Variants in TAF1 observed in about 807,000 individuals in gnomAD.
TAF1 encodes the protein transcription initiation factor TFIID subunit 1.
A neutral mutation model predicts 138.5 loss-of-function variants in TAF1; 2 were observed. That is an observed-to-expected ratio of 0.01 (90% CI 0.01 to 0.05). The LOEUF is 0.05. Ranked by LOEUF, TAF1 falls within the 10% of genes least tolerant of loss-of-function variation. The pLI, the probability that TAF1 is intolerant of heterozygous loss-of-function variation, is 1.00. For synonymous variants in TAF1, 437 were observed against 503.2 expected, an observed-to-expected ratio of 0.87 and a Z score of 1.76; for missense variants, 709 against 1,478.0, an observed-to-expected ratio of 0.48 and a Z score of 8.53.
At chrX:71,412,272 A>T (rs776350788) in intron 28 of TAF1, among the ~76,000 whole-genome samples, 1 of 109,427 alleles carries the variant, frequency 9.1e-6, no homozygotes, top group Admixed American at 9.9e-5. Context: ...CCACAGGCGC[A>T]TGCCACCATG....
intron 20 of TAF1, 63 bp from the exon 21 acceptor site, chrX:71,393,224 TTGTGTGTGTGTGTG>T (rs201372159): frequency 2.1e-4 from 197 of 955,795 alleles, no homozygotes; most frequent in South Asian, 7.3e-4. Context: ...CCTGAATGAT[TTGTGTGTGTGTGTG>T]TGTGTGTGTG....
At chrX:71,498,381 G>A (rs1009173439) in intron 13 of TAF1, among the ~76,000 whole-genome samples, 8 of 111,798 alleles carry the variant, frequency 7.2e-5, no homozygotes, top group Non-Finnish European at 3.8e-5. Flanking sequence ...TGGATATAGA[G>A]GAATTACTGC....
Position 71,367,489 on chromosome X carries a change from C to T in TAF1, c.121-10C>T, listed in dbSNP as rs1944579150. 4 of 1,208,441 alleles carry T rather than the reference C, an allele frequency of 3.3e-6. No homozygotes were observed. Among genetic ancestry groups the T allele is most frequent in the Middle Eastern group, 2.3e-4 (1 of 4,334 alleles). On this transcript the variant is annotated splice_polypyrimidine_tract_variant and intron_variant, in intron 1 of 37. Coordinates refer to ENST00000423759, the MANE Select transcript of TAF1 (RefSeq NM_004606.5). ...GTTGTTATCTTCGACTCGTGCTGTCCCTTTTTCAGGAATGTAAGAAGCACT... is the reference window on the plus strand; with the variant it reads ...GTTGTTATCTTCGACTCGTGCTGTCTCTTTTTCAGGAATGTAAGAAGCACT...
chrX:71,441,730 A>G (rs1261695105), intron 32 of TAF1: 1 of 272,994 alleles, frequency 3.7e-6, no homozygotes, highest in South Asian at 3.4e-5. Flanking sequence ...AGGTTTGTTA[A>G]ATATATATAC....
At chrX:71,514,537 T>C (rs1370883678) in intron 13 of TAF1, among the ~76,000 whole-genome samples, 1 of 107,658 alleles carries the variant, frequency 9.3e-6, no homozygotes, top group Non-Finnish European at 1.9e-5. Flanking sequence ...GGCGCTGTGG[T>C]TCATATGAAA....
chrX:71,525,177 G>A (rs1387840793), intron 13 of TAF1, among the ~76,000 whole-genome samples: 3 of 108,983 alleles, frequency 2.8e-5, no homozygotes, highest in Admixed American at 2.0e-4. Flanking sequence ...GAGTAGCTGG[G>A]ATTACAGGCA....
intron 25 of TAF1, among the ~76,000 whole-genome samples, chrX:71,405,328 CA>C (rs1188372419): frequency 9.0e-6 from 1 of 110,536 alleles, no homozygotes; most frequent in Non-Finnish European, 1.9e-5. Context: ...CAGTTACAGT[CA>C]TTTATGTGTT....
At chrX:71,459,020 A>G (rs2038429323) in intron 35 of TAF1, 1 of 360,837 alleles carries the variant, frequency 2.8e-6, no homozygotes, top group Admixed American at 4.6e-5. Context: ...TGAGCTGTCT[A>G]AACAGCCCCC....
At chrX:71,516,045 A>T (rs898800355) in intron 13 of TAF1, among the ~76,000 whole-genome samples, 53 of 109,149 alleles carry the variant, frequency 4.9e-4, no homozygotes, top group Non-Finnish European at 3.4e-4. Flanking sequence ...GAGTTTTTTT[A>T]AAATTTATTT....
rs751832509 is a variant in TAF1, at chrX:71,388,454, G to A, written c.2569+76G>A. The A allele has an allele frequency of 7.1e-6, 8 of 1,124,235 alleles. No individual in the cohort carries two copies. The African/African-American group carries it at 9.2e-5, about 13-fold the overall frequency. The allele number at this position is 1,124,235 out of a possible 1,213,427, so 92.6% of individuals were successfully genotyped here. A position where few individuals can be genotyped will look rare whatever the true frequency, so the allele number is the denominator to read the frequency against. On this transcript the variant is annotated intron_variant, in intron 16 of 37. Coordinates refer to ENST00000423759, the MANE Select transcript of TAF1 (RefSeq NM_004606.5). ...TTGATGGCTTTGAGTTAAAGGATAA[G>A]CATATAGTTAATAAAATAGAAATTG...
chrX:71,499,446 C>T (rs112961020), intron 13 of TAF1, among the ~76,000 whole-genome samples: 1,382 of 112,248 alleles, frequency 0.012, 19 homozygotes, highest in African/African-American at 0.042. Context: ...GGGTAATAAA[C>T]TTATCTTTTA....
intron 32 of TAF1, among the ~76,000 whole-genome samples, chrX:71,445,915 ATT>A (rs749778368): frequency 1.3e-4 from 12 of 93,441 alleles, no homozygotes; most frequent in Admixed American, 1.2e-4. Flanking sequence ...GTTGTTCACT[ATT>A]TTTTTTTTTT....
intron 3 of TAF1, among the ~76,000 whole-genome samples, chrX:71,371,433 C>G (rs1419827347): frequency 9.0e-6 from 1 of 111,195 alleles, no homozygotes; most frequent in African/African-American, 3.3e-5. Flanking sequence ...GAAGGAGCAG[C>G]AGGGGATTTT....
intron 32 of TAF1, among the ~76,000 whole-genome samples, chrX:71,448,997 A>T (rs1602709877): frequency 3.1e-5 from 2 of 64,877 alleles, no homozygotes; most frequent in African/African-American, 6.3e-5. Context: ...TTGTATTTTT[A>T]TTTATTTTTT....
chrX:71,450,996 G>T (rs2037932638), intron 32 of TAF1, among the ~76,000 whole-genome samples: 1 of 111,723 alleles, frequency 9.0e-6, no homozygotes, highest in African/African-American at 3.3e-5. Flanking sequence ...ACTCTGTCTT[G>T]GCCACATCTT....
At chrX:71,528,649 ATC>A (rs1345880342) in exon 14 of TAF1, 1 of 331,236 alleles carries the variant, frequency 3.0e-6, no homozygotes, top group East Asian at 9.7e-5. Context: ...TCCCAGAAAC[ATC>A]TGTGTCCGGA....
intron 13 of TAF1, among the ~76,000 whole-genome samples, chrX:71,479,990 C>T (rs947437783): frequency 6.3e-5 from 7 of 111,277 alleles, no homozygotes; most frequent in African/African-American, 2.3e-4. Flanking sequence ...TTTGGGAGGC[C>T]CAGGTGGGAG....
intron 32 of TAF1, among the ~76,000 whole-genome samples, chrX:71,442,652 G>A (rs958777236): frequency 8.9e-6 from 1 of 111,905 alleles, no homozygotes; most frequent in African/African-American, 3.2e-5. Context: ...CTGTGCAGAA[G>A]CTCTTAAGTT....
At chrX:71,416,933 C>T (rs1197935632) in intron 28 of TAF1, among the ~76,000 whole-genome samples, 2 of 97,696 alleles carry the variant, frequency 2.0e-5, no homozygotes, top group Non-Finnish European at 4.1e-5. Context: ...GTTTGGGAAG[C>T]TGAGGAGGGC....
Sources: allele counts gnomAD v4.1 joint callset (sites outside exome capture counted in the v4.1 genomes callset), GRCh38; gene constraint gnomAD v4.1.1; transcripts MANE v1.5; gene names NCBI Gene and HGNC (gene_info 2026-07-23, HGNC 2026-07-21).